The following PBX3 variants were observed in gnomAD, a reference collection of about 807,000 sequenced individuals.
PBX3 encodes the protein PBX homeobox 3.
In PBX3, 14 loss-of-function variants were observed where a neutral mutation model predicts 48.5. The ratio of observed to expected loss-of-function variants is 0.29; its 90% confidence interval spans 0.19 to 0.45. PBX3 has a LOEUF of 0.45. Among genes scored for constraint, PBX3 ranks in the 20% least tolerant of loss-of-function variants. PBX3 has a pLI of 1.00. For synonymous variants in PBX3, 210 were observed against 200.3 expected (o/e 1.05, Z -0.41); for missense variants, 386 against 546.7 (o/e 0.71, Z 2.93).
intron 2 of PBX3, among the ~76,000 whole-genome samples, chr9:125,765,681 T>C (rs1836785021): frequency 1.3e-5 from 2 of 152,210 alleles, no homozygotes; most frequent in Non-Finnish European, 2.9e-5. Flanking sequence ...ACTGAAAATA[T>C]ATTTCATCTT....
intron 5 of PBX3, among the ~76,000 whole-genome samples, chr9:125,951,225 A>C (rs552405967): frequency 4.4e-4 from 67 of 152,362 alleles, no homozygotes; most frequent in African/African-American, 1.6e-3. Flanking sequence ...TTCTAGGTCC[A>C]GTGCATTGTC....
chr9:125,758,044 G>A (rs1016010695), intron 2 of PBX3, among the ~76,000 whole-genome samples: 20 of 152,170 alleles, frequency 1.3e-4, no homozygotes, highest in African/African-American at 4.8e-4. Context: ...CAGCAGTGAT[G>A]TGATACTGAG....
At chr9:125,865,781 T>G (rs1839964605) in intron 2 of PBX3, among the ~76,000 whole-genome samples, 2 of 152,162 alleles carry the variant, frequency 1.3e-5, no homozygotes, top group Admixed American at 6.5e-5. Flanking sequence ...GAGACAAAGA[T>G]TATGTAGTTT....
intron 2 of PBX3, among the ~76,000 whole-genome samples, chr9:125,755,769 C>CT (rs11408666): frequency 0.067 from 8,766 of 131,618 alleles, 598 homozygotes; most frequent in East Asian, 0.19. Context: ...TTGGTGGATT[C>CT]TTTTTTCCCC....
chr9:125,803,174 A>G (rs1838019922), intron 2 of PBX3, among the ~76,000 whole-genome samples: 2 of 150,192 alleles, frequency 1.3e-5, no homozygotes, highest in Admixed American at 6.6e-5. Flanking sequence ...CCTCACTGCA[A>G]ACTGCCTCAG....
chr9:125,933,802 G>A (rs577763851), intron 4 of PBX3, among the ~76,000 whole-genome samples: 1 of 152,086 alleles, frequency 6.6e-6, no homozygotes, highest in African/African-American at 2.4e-5. Context: ...GGTAATTACT[G>A]TGTGGTCTCA....
intron 4 of PBX3, 86 bp downstream of exon 4, chr9:125,929,931 C>T: frequency 9.8e-7 from 1 of 1,020,922 alleles, no homozygotes; most frequent in South Asian, 1.5e-5. Flanking sequence ...ACCAGTTGGT[C>T]TTAGATTCTT....
chr9:125,883,800 AG>A (rs1323197583), intron 2 of PBX3, among the ~76,000 whole-genome samples: 1 of 152,250 alleles, frequency 6.6e-6, no homozygotes, highest in Non-Finnish European at 1.5e-5. Flanking sequence ...CAGCATTTAT[AG>A]TACTAATAAA....
At position 125,760,173 on chromosome 9, in the gene PBX3, T is replaced by G. The variant is rs899951938; in HGVS notation, c.274+11550T>G. 2.0e-5 allele frequency among the ~76,000 whole-genome samples: 3 copies of G among 152,222 alleles called. No homozygotes were observed. In the East Asian group the frequency reaches 5.8e-4, roughly 29 times the overall value. ...AACACAAATTATTTTGTGCTCGAAT[T>G]TCAGGACGCTGAAAGTTTACTTTCT... On this transcript the variant is annotated intron_variant, in intron 2 of 8. Coordinates refer to ENST00000373489, the MANE Select transcript of PBX3 (RefSeq NM_006195.6).
rs187157217 is a variant in PBX3 at position 125,941,814 on chromosome 9, C to A, written c.843+6207C>A. ...TATTAATTTACTTTTTGGAATAGAG[C>A]TAATTTACATTGATTATTCAAGTTA... is the stretch of plus-strand genomic sequence containing the variant. On this transcript the variant is annotated intron_variant, in intron 5 of 8. Transcript: ENST00000373489. 4.6e-5 allele frequency among the ~76,000 whole-genome samples: 7 copies of A among 152,288 alleles called. No individual in the cohort carries two copies. The East Asian group carries it at 1.3e-3, about 29-fold the overall frequency.
In PBX3 at chr9:125,747,475, C is replaced by G. The variant is rs370064871; in HGVS notation, c.22C>G (p.Leu8Val). 9.9e-5 allele frequency: 156 copies of G among 1,576,150 alleles called. No individual in the cohort carries two copies. In the African/African-American group the frequency reaches 1.4e-3, roughly 14 times the overall value. ...CGGGATGGACGATCAATCCAGGATG[C>G]TGCAGACTCTGGCCGGGGTGAACCT... is the stretch of plus-strand genomic sequence containing the variant. MDDQSRM[L>V]QTLAGVNLAG... is the part of the protein sequence containing the mutation. Residue 8 changes from leucine to valine, a missense_variant, in exon 1 of 9, where the codon CTG becomes GTG. Around this residue, in one of 4 missense-constraint regions of PBX3, gnomAD observed 116 missense variants for 98.2 expected, o/e 1.18. Transcript: ENST00000373489.
At chr9:125,827,330 A>G (rs1417503216) in intron 2 of PBX3, among the ~76,000 whole-genome samples, 1 of 152,102 alleles carries the variant, frequency 6.6e-6, no homozygotes, top group Non-Finnish European at 1.5e-5. Flanking sequence ...ACATTTTGCC[A>G]TCTCTGCTTT....
intron 3 of PBX3, among the ~76,000 whole-genome samples, chr9:125,920,415 T>G (rs1375028684): frequency 6.6e-6 from 1 of 152,200 alleles, no homozygotes. Context: ...GGCCTCCTAT[T>G]GAGCTGGTCT....
At chr9:125,843,883 A>G (rs1588210572) in intron 2 of PBX3, 6 of 454,760 alleles carry the variant, frequency 1.3e-5, no homozygotes, top group Admixed American at 2.4e-5. Flanking sequence ...TTGGAAGGCA[A>G]TTGCCAGGGG....
intron 2 of PBX3, among the ~76,000 whole-genome samples, chr9:125,804,135 A>G (rs10986934): frequency 0.02 from 3,049 of 152,340 alleles, 172 homozygotes; most frequent in East Asian, 0.17. Flanking sequence ...AAAAGTTACT[A>G]GAAATGGTGA....
intron 2 of PBX3, among the ~76,000 whole-genome samples, chr9:125,902,849 G>C (rs1157945591): frequency 6.6e-6 from 1 of 151,712 alleles, no homozygotes; most frequent in Non-Finnish European, 1.5e-5. Context: ...ACTTGAACTA[G>C]ACCAAGTAAT....
At chr9:125,843,044 C>T (rs1839328919) in intron 2 of PBX3, among the ~76,000 whole-genome samples, 1 of 151,426 alleles carries the variant, frequency 6.6e-6, no homozygotes, top group African/African-American at 2.4e-5. Context: ...TTTTACAGGG[C>T]TTGATTGACT....
At position 125,816,372 on chromosome 9, in the gene PBX3, A is replaced by G. The variant is rs1045445948; in HGVS notation, c.274+67749A>G. On this transcript the variant is annotated intron_variant, in intron 2 of 8. Coordinates refer to ENST00000373489, the MANE Select transcript of PBX3 (RefSeq NM_006195.6). ...TGGAAAGGAAGAATGGAAATTAAAC[A>G]TACATACTCAGTCTGCTCTCTTGAG... Among the ~76,000 whole-genome samples, 3 of 152,326 alleles carry G rather than the reference A, an allele frequency of 2.0e-5. No homozygotes were observed. The East Asian group carries it at 5.8e-4, about 29-fold the overall frequency.
intron 2 of PBX3, among the ~76,000 whole-genome samples, chr9:125,888,732 G>A (rs1840563182): frequency 6.6e-6 from 1 of 151,978 alleles, no homozygotes; most frequent in African/African-American, 2.4e-5. Context: ...ATGAATTCTA[G>A]TAACTGTTTA....
Sources: allele counts gnomAD v4.1 joint callset (sites outside exome capture counted in the v4.1 genomes callset), GRCh38; gene constraint gnomAD v4.1.1; regional missense constraint gnomAD v4.1.1; transcripts MANE v1.5; gene names NCBI Gene and HGNC (gene_info 2026-07-23, HGNC 2026-07-21).